The following KCNU1 variants were observed in gnomAD, a reference collection of about 807,000 sequenced individuals.
The protein encoded by KCNU1 is potassium calcium-activated channel subfamily U member 1, also known as potassium channel subfamily U member 1.
Under a neutral mutation model 126.8 loss-of-function variants are expected in KCNU1, and 93 were observed. The observed-to-expected ratio is 0.73, with a 90% CI of 0.62 to 0.87. The LOEUF is 0.87. KCNU1 is among the 40% of genes least tolerant of loss of function. The pLI is 0.00. For synonymous variants in KCNU1, 523 were observed against 494.2 expected (o/e 1.06, Z -0.77); for missense variants, 1,330 against 1,367.1 (o/e 0.97, Z 0.43).
chr8:36,924,596 T>G (rs1808474654), intron 24 of KCNU1, among the ~76,000 whole-genome samples: 1 of 152,196 alleles, frequency 6.6e-6, no homozygotes, highest in Middle Eastern at 3.2e-3. Context: ...CAGCTCAGCC[T>G]TCACTGAGCT....
At chr8:36,786,140 G>A (rs747253104) in intron 1 of KCNU1, among the ~76,000 whole-genome samples, 1 of 151,728 alleles carries the variant, frequency 6.6e-6, no homozygotes, top group Non-Finnish European at 1.5e-5. Flanking sequence ...AGAAATCTAG[G>A]TGTACTGTGA....
intron 23 of KCNU1, among the ~76,000 whole-genome samples, chr8:36,920,914 C>A (rs562974675): frequency 1.2e-3 from 188 of 152,256 alleles, no homozygotes; most frequent in African/African-American, 4.2e-3. Flanking sequence ...CCTAAACATA[C>A]TGAGGAATAA....
At chr8:36,926,788 A>G (rs1387656394) in intron 24 of KCNU1, among the ~76,000 whole-genome samples, 1 of 152,146 alleles carries the variant, frequency 6.6e-6, no homozygotes, top group African/African-American at 2.4e-5. Flanking sequence ...TCCCACTGCA[A>G]CATAAGAGGT....
chr8:36,819,618 C>G (rs905322114), intron 10 of KCNU1, among the ~76,000 whole-genome samples: 4 of 152,058 alleles, frequency 2.6e-5, no homozygotes, highest in Admixed American at 2.0e-4. Flanking sequence ...TGCTCCAAAG[C>G]TCTTCTTCTC....
At chr8:36,933,746 T>G (rs1046917228) in intron 26 of KCNU1, among the ~76,000 whole-genome samples, 1 of 151,994 alleles carries the variant, frequency 6.6e-6, no homozygotes, top group Non-Finnish European at 1.5e-5. Context: ...TGGTCTTGAA[T>G]AGAAAAATAA....
At position 36,909,611 on chromosome 8, in the gene KCNU1, A is replaced by G. The variant is rs1807785907; in HGVS notation, c.2331+76A>G. 4 of 867,694 alleles carry G rather than the reference A, an allele frequency of 4.6e-6. No homozygotes were observed. The Admixed American group carries it at 8.2e-5, about 18-fold the overall frequency. The allele number at this position is 867,694 out of a possible 1,614,324, so 53.7% of individuals were successfully genotyped here. ...TAGGACTAGAATTAATAATGATAAT[A>G]TTGCAGTTCTACAGTCCTTGCCAGA... On this transcript the variant is annotated intron_variant, in intron 21 of 26. Coordinates refer to ENST00000399881, the MANE Select transcript of KCNU1 (RefSeq NM_001031836.3).
At chr8:36,824,912 T>A (rs1804260738) in intron 10 of KCNU1, among the ~76,000 whole-genome samples, 1 of 152,194 alleles carries the variant, frequency 6.6e-6, no homozygotes, top group Non-Finnish European at 1.5e-5. Context: ...TTCTCCCCTA[T>A]ACTTTGGCTA....
At chr8:36,869,052 CTCT>C (rs1806008878) in intron 19 of KCNU1, among the ~76,000 whole-genome samples, 1 of 152,136 alleles carries the variant, frequency 6.6e-6, no homozygotes, top group African/African-American at 2.4e-5. Flanking sequence ...TATCAAAACT[CTCT>C]TCTTTAGTAA....
intron 18 of KCNU1, among the ~76,000 whole-genome samples, chr8:36,856,686 T>C (rs570851101): frequency 6.6e-5 from 10 of 152,306 alleles, no homozygotes; most frequent in African/African-American, 2.4e-4. Flanking sequence ...GCAGGCTGCC[T>C]ATTATTGTTT....
chr8:36,830,487 T>A (rs1226770730), intron 10 of KCNU1, among the ~76,000 whole-genome samples: 3 of 152,104 alleles, frequency 2.0e-5, no homozygotes, highest in Non-Finnish European at 4.4e-5. Context: ...TTTGTTAATG[T>A]GAATCTCACG....
chr8:36,863,461 C>A (rs1585478009), intron 18 of KCNU1, among the ~76,000 whole-genome samples: 1 of 152,168 alleles, frequency 6.6e-6, no homozygotes, highest in East Asian at 1.9e-4. Context: ...TCTGCTCAGA[C>A]AATCTCTCCA....
At chr8:36,793,006 A>G (rs764772738) in intron 2 of KCNU1, among the ~76,000 whole-genome samples, 37 of 152,172 alleles carry the variant, frequency 2.4e-4, no homozygotes, top group Non-Finnish European at 3.7e-4. Context: ...CATATACATC[A>G]TGGAATACTA....
intron 22 of KCNU1, among the ~76,000 whole-genome samples, chr8:36,917,962 C>G (rs1474038812): frequency 6.6e-6 from 1 of 152,188 alleles, no homozygotes; most frequent in Admixed American, 6.5e-5. Context: ...GCAGAGACAA[C>G]AGCAGTGCCT....
rs1455620098 is a variant in KCNU1, at chr8:36,918,488, G to T, written c.2522-335G>T. Among the ~76,000 whole-genome samples the T allele has an allele frequency of 3.3e-5, 5 of 151,832 alleles. No homozygotes were observed. In the East Asian group the frequency reaches 9.7e-4, roughly 30 times the overall value. On this transcript the variant is annotated intron_variant, in intron 22 of 26. Coordinates refer to ENST00000399881, the MANE Select transcript of KCNU1 (RefSeq NM_001031836.3). Reference sequence around the variant, plus strand: ...CAGGATCACTTGAGCTCAGGAGTTGGAGCCTGCAGTGAGCTCTGATGGCAC... The same window carrying T: ...CAGGATCACTTGAGCTCAGGAGTTGTAGCCTGCAGTGAGCTCTGATGGCAC...
In KCNU1 at chr8:36,873,482, C is replaced by T. The variant is rs530965978; in HGVS notation, c.2009+8961C>T. Among the ~76,000 whole-genome samples, 5 of 152,228 alleles carry T rather than the reference C, an allele frequency of 3.3e-5. 1 individual carries two copies. The highest frequency in any genetic ancestry group is 1.2e-4 in the African/African-American group (5 of 41,538). ...ACACAATATATTATTGGCTTTTATA[C>T]AATTATTTATACGTTTTAAAATAAA... On this transcript the variant is annotated intron_variant, in intron 19 of 26. Transcript: ENST00000399881.
intron 26 of KCNU1, among the ~76,000 whole-genome samples, chr8:36,934,300 G>C (rs1808789652): frequency 6.6e-6 from 1 of 152,042 alleles, no homozygotes; most frequent in South Asian, 2.1e-4. Context: ...GGCTGCACTA[G>C]AGTTTGAAAG....
At position 36,911,133 on chromosome 8, in the gene KCNU1, C is replaced by G. The variant is rs765404292; in HGVS notation, c.2521+14C>G. 26 of 1,577,180 alleles carry G rather than the reference C, an allele frequency of 1.6e-5. No homozygotes were observed. The highest frequency in any genetic ancestry group is 2.1e-5 in the Non-Finnish European group (24 of 1,156,314). ...CCTCAGTGTCAGGTGAGAACAGCAC[C>G]CCTGAAAAGAAGAAACTAGGACGTA... On this transcript the variant is annotated intron_variant, in intron 22 of 26. Coordinates refer to ENST00000399881, the MANE Select transcript of KCNU1 (RefSeq NM_001031836.3).
chr8:36,802,576 G>A (rs893627669), intron 2 of KCNU1, among the ~76,000 whole-genome samples: 1 of 152,132 alleles, frequency 6.6e-6, no homozygotes, highest in African/African-American at 2.4e-5. Flanking sequence ...GGGAATCTGG[G>A]AGGATAATAG....
In KCNU1 at chr8:36,883,243, A is replaced by G. The variant is rs562924672; in HGVS notation, c.2009+18722A>G. On this transcript the variant is annotated intron_variant, in intron 19 of 26. Transcript: ENST00000399881. Reference sequence around the variant, plus strand: ...GTTGATGCTCACCAATTTCCTCTTCAGTTGGTGACCTATCATGCTTTAAAG... The same window carrying G: ...GTTGATGCTCACCAATTTCCTCTTCGGTTGGTGACCTATCATGCTTTAAAG... Among the ~76,000 whole-genome samples, 24 of 152,272 alleles carry G rather than the reference A, an allele frequency of 1.6e-4. No individual in the cohort carries two copies. The South Asian group carries it at 4.6e-3, about 29-fold the overall frequency.
Sources: allele counts gnomAD v4.1 joint callset (sites outside exome capture counted in the v4.1 genomes callset), GRCh38; gene constraint gnomAD v4.1.1; transcripts MANE v1.5; gene names NCBI Gene and HGNC (gene_info 2026-07-23, HGNC 2026-07-21).